GRID2: variants seen among roughly 807,000 people sequenced by gnomAD.
The protein encoded by GRID2 is glutamate ionotropic receptor delta type subunit 2.
GRID2 carries 33 observed loss-of-function variants against 114.8 expected under a neutral mutation model. That is an observed-to-expected ratio of 0.29 (90% CI 0.22 to 0.38). GRID2 has a LOEUF of 0.38. GRID2 is among the 10% of genes least tolerant of loss of function. The pLI is 1.00. For missense variants in GRID2, 1,184 were observed against 1,257.7 expected, an observed-to-expected ratio of 0.94 and a Z score of 0.89; for synonymous variants, 505 against 449.9, an observed-to-expected ratio of 1.12 and a Z score of -1.55.
chr4:93,453,602 C>A (rs1722924006), intron 10 of GRID2, among the ~76,000 whole-genome samples: 1 of 151,958 alleles, frequency 6.6e-6, no homozygotes, highest in Non-Finnish European at 1.5e-5. Flanking sequence ...TTTAAAAATT[C>A]ACTTCGTGAT....
At chr4:93,781,283 C>T (rs1377723039) in intron 1 of GRID2, among the ~76,000 whole-genome samples, 2 of 152,094 alleles carry the variant, frequency 1.3e-5, no homozygotes, top group East Asian at 1.9e-4. Flanking sequence ...CTGTGCTCCC[C>T]AGATTCCCAA....
At chr4:93,223,338 A>G (rs1229669505) in intron 6 of GRID2, among the ~76,000 whole-genome samples, 2 of 152,178 alleles carry the variant, frequency 1.3e-5, no homozygotes, top group East Asian at 1.9e-4. Flanking sequence ...AAAGGCCTAC[A>G]AGTATTATAC....
At position 92,627,481 on chromosome 4, in the gene GRID2, A is replaced by G. The variant is rs532600440; in HGVS notation, c.244+37195A>G. Among the ~76,000 whole-genome samples, 7 of 152,204 alleles carry G rather than the reference A, an allele frequency of 4.6e-5. No homozygotes were observed. The East Asian group carries it at 1.4e-3, about 29-fold the overall frequency. On this transcript the variant is annotated intron_variant, in intron 2 of 15. Transcript: ENST00000282020. The stretch of plus-strand genomic sequence containing the variant: ...AAAGAAGTGTAACAAATAATATTTT[A>G]CTGTTATTAGTAAATTATTAGCTGA...
chr4:93,749,769 T>C (rs1340839343), intron 14 of GRID2, among the ~76,000 whole-genome samples: 1 of 152,320 alleles, frequency 6.6e-6, no homozygotes, highest in Middle Eastern at 3.4e-3. Context: ...ACCCTCACAA[T>C]GCTTTTTGCT....
chr4:93,794,520 A>G (rs746281761), intron 1 of GRID2, among the ~76,000 whole-genome samples: 4 of 152,118 alleles, frequency 2.6e-5, no homozygotes, highest in Non-Finnish European at 5.9e-5. Context: ...CTCATCCTTC[A>G]TGGCCAATGA....
rs191521164 is a variant in GRID2, at chr4:93,070,060, C to T, written c.245-14935C>T. On this transcript the variant is annotated intron_variant, in intron 2 of 15. Transcript: ENST00000282020. ...TGTCTTCACTTAGAAGAAACATTAC[C>T]TTTTTATATTTAAGTTGCACACAAA... 2.3e-3 allele frequency among the ~76,000 whole-genome samples: 351 copies of T among 152,114 alleles called. 1 individual carries two copies. Among genetic ancestry groups the T allele is most frequent in the African/African-American group, 8.0e-3 (333 of 41,492 alleles).
chr4:92,923,451 C>A (rs924785219), intron 2 of GRID2, among the ~76,000 whole-genome samples: 2 of 151,960 alleles, frequency 1.3e-5, no homozygotes, highest in African/African-American at 4.8e-5. Flanking sequence ...TCAGATTTTT[C>A]ATAAAGATAC....
chr4:93,322,792 GGCAGTGATGATGA>G (rs1757378914), intron 8 of GRID2, among the ~76,000 whole-genome samples: 1 of 152,058 alleles, frequency 6.6e-6, no homozygotes, highest in African/African-American at 2.4e-5. Flanking sequence ...TTCTCTGATG[GGCAGTGATGATGA>G]GCATTTTTTC....
At chr4:93,768,792 T>C (rs1473240513) in intron 14 of GRID2, among the ~76,000 whole-genome samples, 1 of 152,142 alleles carries the variant, frequency 6.6e-6, no homozygotes, top group Non-Finnish European at 1.5e-5. Context: ...AGCATTAAGA[T>C]CCTGAGTATC....
intron 1 of GRID2, among the ~76,000 whole-genome samples, chr4:92,402,727 C>A (rs1401000468): frequency 6.6e-6 from 1 of 152,140 alleles, no homozygotes; most frequent in Non-Finnish European, 1.5e-5. Context: ...TAGCATAATT[C>A]TTAAGGCCCC....
Position 93,216,730 on chromosome 4 carries a change from T to C in GRID2, c.790-8T>C, listed in dbSNP as rs1393635540. On this transcript the variant is annotated splice_polypyrimidine_tract_variant and splice_region_variant and intron_variant, in intron 5 of 15. Coordinates refer to ENST00000282020, the MANE Select transcript of GRID2 (RefSeq NM_001510.4). ...GTATCTCTAATTCTTCCACCTCTTA[T>C]CTTATAGGAAATAAACGATGTGGAC... 5.0e-6 allele frequency: 8 copies of C among 1,587,868 alleles called. No homozygotes were observed. The highest frequency in any genetic ancestry group is 6.9e-6 in the Non-Finnish European group (8 of 1,157,184).
chr4:93,662,115 T>A (rs1185261978), intron 14 of GRID2, among the ~76,000 whole-genome samples: 1 of 152,182 alleles, frequency 6.6e-6, no homozygotes, highest in Non-Finnish European at 1.5e-5. Flanking sequence ...TACTTACTTC[T>A]GCCTAAAAAG....
Position 93,539,805 on chromosome 4 carries a change from T to TTG in GRID2, c.2193+24395_2193+24396insGT, listed in dbSNP as rs1553949660. On this transcript the variant is annotated intron_variant, in intron 13 of 15. Coordinates refer to ENST00000282020, the MANE Select transcript of GRID2 (RefSeq NM_001510.4). The stretch of plus-strand genomic sequence containing the variant: ...GTCAGAAATATGTCTGATGGGTTTT[T>TTG]TTTGTTTGTTTGTTTGTGTGCTCTG... Among the ~76,000 whole-genome samples the TTG allele has an allele frequency of 2.0e-5, 3 of 151,982 alleles. No individual in the cohort carries two copies. The East Asian group carries it at 5.8e-4, about 29-fold the overall frequency.
chr4:92,995,952 T>C (rs1755171281), intron 2 of GRID2, among the ~76,000 whole-genome samples: 1 of 152,180 alleles, frequency 6.6e-6, no homozygotes, highest in Non-Finnish European at 1.5e-5. Context: ...AAACAGTTTT[T>C]TTTTTTCTAT....
chr4:93,196,166 C>G (rs776941836), intron 4 of GRID2, among the ~76,000 whole-genome samples: 2 of 152,056 alleles, frequency 1.3e-5, no homozygotes, highest in African/African-American at 2.4e-5. Context: ...CTATCAAGCC[C>G]AACACCATTT....
At chr4:92,621,244 A>G (rs1196856874) in intron 2 of GRID2, among the ~76,000 whole-genome samples, 1 of 151,768 alleles carries the variant, frequency 6.6e-6, no homozygotes, top group Non-Finnish European at 1.5e-5. Context: ...AGGTCTCAGG[A>G]CACATTTAGA....
intron 8 of GRID2, among the ~76,000 whole-genome samples, chr4:93,267,835 G>A (rs1261380186): frequency 1.3e-5 from 2 of 152,160 alleles, no homozygotes; most frequent in Admixed American, 6.5e-5. Context: ...CCTGCTAGCT[G>A]CTTAGGTTCC....
chr4:93,559,966 AC>A (rs1734727667), intron 13 of GRID2, among the ~76,000 whole-genome samples: 1 of 152,052 alleles, frequency 6.6e-6, no homozygotes, highest in South Asian at 2.1e-4. Flanking sequence ...TTCTCAGCAA[AC>A]TAACACAGGA....
intron 2 of GRID2, among the ~76,000 whole-genome samples, chr4:92,612,599 C>T (rs1337503432): frequency 6.6e-6 from 1 of 151,334 alleles, no homozygotes; most frequent in Non-Finnish European, 1.5e-5. Context: ...TACATATCCA[C>T]CTATTTATAT....
Sources: allele counts gnomAD v4.1 joint callset (sites outside exome capture counted in the v4.1 genomes callset), GRCh38; gene constraint gnomAD v4.1.1; transcripts MANE v1.5; gene names NCBI Gene and HGNC (gene_info 2026-07-23, HGNC 2026-07-21).